STRA6: variants seen among roughly 807,000 people sequenced by gnomAD.
STRA6 encodes the protein receptor for retinol uptake STRA6.
Under a neutral mutation model 83.6 loss-of-function variants are expected in STRA6, and 48 were observed. The ratio of observed to expected loss-of-function variants is 0.57; its 90% CI spans 0.46 to 0.73. The LOEUF is 0.73. STRA6 is among the 30% of genes least tolerant of loss of function. The pLI is 0.00. For synonymous variants in STRA6, 353 were observed against 362.3 expected, an observed-to-expected ratio of 0.97 and a Z score of 0.29; for missense variants, 760 against 838.8, an observed-to-expected ratio of 0.91 and a Z score of 1.16.
chr15:74,202,498 C>A (rs1459803151), intron 1 of STRA6: 2 of 1,529,848 alleles, frequency 1.3e-6, no homozygotes, highest in South Asian at 1.2e-5. Flanking sequence ...CCTCTCGTGT[C>A]CCCTCCTCCC....
chr15:74,192,240 T>C (rs2073583305), intron 8 of STRA6, among the ~76,000 whole-genome samples: 1 of 151,852 alleles, frequency 6.6e-6, no homozygotes, highest in Admixed American at 6.6e-5. Context: ...GATGGGGTGG[T>C]GGAAACCCTG....
upstream of STRA6, chr15:74,209,648 A>G (rs2074339973): frequency 1.0e-5 from 6 of 571,880 alleles, no homozygotes; most frequent in South Asian, 1.1e-4. Context: ...CCCCAAGTAC[A>G]TGCCTGCAAC....
chr15:74,195,701 T>C (rs912493189), intron 5 of STRA6, 26 bp from the exon 6 acceptor site: 1 of 1,218,752 alleles, frequency 8.2e-7, no homozygotes, highest in South Asian at 1.3e-5. Flanking sequence ...AATCACAGTA[T>C]ATTAGCAAGG....
chr15:74,189,556 C>T (rs1339852636), intron 11 of STRA6, among the ~76,000 whole-genome samples: 5 of 152,170 alleles, frequency 3.3e-5, no homozygotes, highest in African/African-American at 4.8e-5. Flanking sequence ...CCACAACCAA[C>T]CAATTCAATC....
chr15:74,209,175 C>A, upstream of STRA6: 1 of 1,201,042 alleles, frequency 8.3e-7, no homozygotes, highest in Non-Finnish European at 1.1e-6. Context: ...GGGGCTGGGG[C>A]CCCACACAAC....
chr15:74,189,570 C>T (rs1274137050), intron 11 of STRA6, among the ~76,000 whole-genome samples: 2 of 151,896 alleles, frequency 1.3e-5, no homozygotes, highest in African/African-American at 2.4e-5. Flanking sequence ...TTCAATCAAG[C>T]GCAGATCAAA....
intron 11 of STRA6, among the ~76,000 whole-genome samples, chr15:74,190,534 A>C (rs12899173): frequency 0.14 from 21,371 of 152,056 alleles, 2,116 homozygotes; most frequent in Non-Finnish European, 0.21. Context: ...CTTTTTACAG[A>C]TGAGCTAACA....
chr15:74,193,070 G>A (rs1175976571), intron 8 of STRA6, among the ~76,000 whole-genome samples: 1 of 152,120 alleles, frequency 6.6e-6, no homozygotes, highest in African/African-American at 2.4e-5. Flanking sequence ...CTTTTACCAT[G>A]ATGCATTCAT....
At chr15:74,211,356 C>T (rs929997005), upstream of STRA6, among the ~76,000 whole-genome samples, 1 of 151,046 alleles carries the variant, frequency 6.6e-6, no homozygotes, top group African/African-American at 2.4e-5. Context: ...AGAACCCCTG[C>T]CTACTGCTGG....
rs886584183 is a variant in STRA6 at position 74,182,099 on chromosome 15, G to A, written c.1520+62C>T. ...TGGCAGTGGAGGGAGGACACAAAAAGAGAGAGACACCGAAGAAGAGGCGAG... is the reference window on the plus strand; with the variant it reads ...TGGCAGTGGAGGGAGGACACAAAAAAAGAGAGACACCGAAGAAGAGGCGAG... On this transcript the variant is annotated intron_variant, in intron 16 of 18. Transcript: ENST00000395105. 3.0e-5 allele frequency: 42 copies of A among 1,416,616 alleles called. No homozygotes were observed. The South Asian group carries it at 4.8e-4, about 16-fold the overall frequency. The allele number at this position is 1,416,616 out of a possible 1,614,324, so 87.8% of individuals were successfully genotyped here. A position where few individuals can be genotyped will look rare whatever the true frequency, so the allele number is the denominator to read the frequency against.
chr15:74,180,960 A>G (rs371161879), intron 17 of STRA6, 23 bp from the exon 18 acceptor site: 5 of 1,612,976 alleles, frequency 3.1e-6, no homozygotes, highest in Non-Finnish European at 4.2e-6. Flanking sequence ...GGCGGATGGC[A>G]ATGCTGGGGG....
chr15:74,197,850 G>A, intron 2 of STRA6, 32 bp from the exon 3 acceptor site: 1 of 1,609,770 alleles, frequency 6.2e-7, no homozygotes, highest in Non-Finnish European at 8.5e-7. Flanking sequence ...GCTCAGGCCT[G>A]CGTCAGGCCC....
intron 2 of STRA6, among the ~76,000 whole-genome samples, chr15:74,201,218 C>T (rs920805645): frequency 3.3e-5 from 5 of 152,224 alleles, no homozygotes; most frequent in African/African-American, 1.2e-4. Flanking sequence ...GCCGCAGCCC[C>T]AGCCCCTGGG....
intron 13 of STRA6, 82 bp downstream of exon 13, chr15:74,184,898 G>C (rs351237): frequency 7.0e-7 from 1 of 1,422,234 alleles, no homozygotes; most frequent in Non-Finnish European, 9.8e-7. Context: ...CCTCCCTCCA[G>C]GCCCAGGGCC....
rs116829124 is a variant in STRA6, at chr15:74,187,118, C to T, written c.1090+1997G>A. 3.7e-3 allele frequency among the ~76,000 whole-genome samples: 562 copies of T among 152,328 alleles called. 3 individuals carry two copies. Among genetic ancestry groups the T allele is most frequent in the African/African-American group, 0.011 (477 of 41,580 alleles). Reference sequence around the variant, plus strand: ...GGACCATTTGCTGCCAGGAGGTGAACAGCCCGCCTGCTGAGCCTGGCCTGG... The same window carrying T: ...GGACCATTTGCTGCCAGGAGGTGAATAGCCCGCCTGCTGAGCCTGGCCTGG... On this transcript the variant is annotated intron_variant, in intron 12 of 18. Transcript: ENST00000395105.
At chr15:74,211,634 C>G (rs150571832), upstream of STRA6, among the ~76,000 whole-genome samples, 116 of 152,162 alleles carry the variant, frequency 7.6e-4, 1 homozygote, top group East Asian at 0.012. Flanking sequence ...GAACTCCTAA[C>G]CTCAGGTGAT....
Position 74,202,228 on chromosome 15 carries a change from C to T in STRA6, c.40G>A (p.Ala14Thr), listed in dbSNP as rs149358131. Reference protein sequence around the residue: ...QPAGNQTSPGATEDYSYGSWY... With the variant: ...QPAGNQTSPGTTEDYSYGSWY... Reference sequence around the variant, plus strand: ...CTGCCATAGGAGTAGTCCTCTGTGGCCCCGGGGGAGGTCTGGTTCCCTGCT... The same window carrying T: ...CTGCCATAGGAGTAGTCCTCTGTGGTCCCGGGGGAGGTCTGGTTCCCTGCT... Residue 14 changes from alanine (A) to threonine (T), a missense_variant, in exon 2 of 19, where the codon GCC becomes ACC. By Grantham distance (58) the Ala-to-Thr change is moderately conservative (BLOSUM62 0). Coordinates refer to ENST00000395105, the MANE Select transcript of STRA6 (RefSeq NM_022369.4). 1.3e-5 allele frequency: 20 copies of T among 1,537,174 alleles called. No individual in the cohort carries two copies. The African/African-American group carries it at 2.4e-4, about 18-fold the overall frequency.
Position 74,188,974 on chromosome 15 carries a change from G to A in STRA6, c.1090+141C>T. 1 of 1,017,472 alleles carries A rather than the reference G, an allele frequency of 9.8e-7. No individual in the cohort carries two copies. Among genetic ancestry groups the A allele is most frequent in the Middle Eastern group, 2.3e-4 (1 of 4,260 alleles). 63.0% of individuals were successfully genotyped at this position (1,017,472 alleles called of 1,614,324 possible). On this transcript the variant is annotated intron_variant, in intron 12 of 18. Coordinates refer to ENST00000395105, the MANE Select transcript of STRA6 (RefSeq NM_022369.4). This position sits in a 1 kb window ranked among gnomAD's most constrained non-coding sequence, Gnocchi z 4.5. ...GAAGCGCCAACTGCCACAATTTGGA[G>A]ATGAGGCAATCGAGACCCAGAGAGA...
At chr15:74,194,562 C>T in intron 7 of STRA6, 3 of 453,274 alleles carry the variant, frequency 6.6e-6, no homozygotes, top group South Asian at 1.0e-4. Context: ...AAAGGTGGCA[C>T]TGTTTCCCCA....
Sources: allele counts gnomAD v4.1 joint callset (sites outside exome capture counted in the v4.1 genomes callset), GRCh38; gene constraint gnomAD v4.1.1; non-coding constraint Gnocchi (gnomAD v3.1); transcripts MANE v1.5; gene names NCBI Gene and HGNC (gene_info 2026-07-23, HGNC 2026-07-21).